TTLL5: variants seen among roughly 807,000 people sequenced by gnomAD.
TTLL5 encodes the protein tubulin tyrosine ligase like 5.
Under a neutral mutation model 168.4 loss-of-function variants are expected in TTLL5, and 132 were observed. That is an observed-to-expected ratio of 0.78 (90% CI 0.68 to 0.91). The LOEUF (loss-of-function observed/expected upper bound fraction) is 0.91, where lower values mean the gene tolerates loss of function less well. TTLL5 is among the 40% of genes least tolerant of loss of function. The pLI is 0.00. For synonymous variants in TTLL5, 546 were observed against 558.6 expected (o/e 0.98, Z 0.32); for missense variants, 1,545 against 1,581.5 (o/e 0.98, Z 0.39).
chr14:75,897,072 G>A, intron 30 of TTLL5, among the ~76,000 whole-genome samples: 1 of 152,116 alleles, frequency 6.6e-6, no homozygotes, highest in Non-Finnish European at 1.5e-5. Flanking sequence ...ATCTTACAAG[G>A]ATATTATTTG....
Position 75,925,135 on chromosome 14 carries a change from T to G in TTLL5, c.3823+22911T>G, listed in dbSNP as rs1432855814. Among the ~76,000 whole-genome samples the G allele has an allele frequency of 2.8e-3, 200 of 72,584 alleles. 4 individuals carry two copies. Among genetic ancestry groups the G allele is most frequent in the Admixed American group, 0.014 (103 of 7,566 alleles). The allele number at this position is 72,584 out of a possible 152,430, so 47.6% of individuals were successfully genotyped here. Reference sequence around the variant, plus strand: ...CGGACGGGGCGGCTGGCCGGGCGGGTGGCTGACCCCCCCACCTCCCTCCCG... The same window carrying G: ...CGGACGGGGCGGCTGGCCGGGCGGGGGGCTGACCCCCCCACCTCCCTCCCG... On this transcript the variant is annotated intron_variant, in intron 31 of 31. Transcript: ENST00000298832.
intron 29 of TTLL5, among the ~76,000 whole-genome samples, chr14:75,872,005 G>A (rs969682140): frequency 2.0e-5 from 3 of 152,064 alleles, no homozygotes. Flanking sequence ...AGGAGAACGG[G>A]GCCCTGATAT....
At chr14:75,797,358 T>C (rs1893050420) in intron 27 of TTLL5, among the ~76,000 whole-genome samples, 1 of 152,080 alleles carries the variant, frequency 6.6e-6, no homozygotes. Context: ...TATGATCATA[T>C]TGGCAAACAG....
chr14:75,715,224 T>C (rs1261200326), intron 9 of TTLL5, among the ~76,000 whole-genome samples: 1 of 151,702 alleles, frequency 6.6e-6, no homozygotes, highest in Non-Finnish European at 1.5e-5. Context: ...GAAAACCTCC[T>C]TGTGCTTCTG....
At chr14:75,719,932 G>A in intron 11 of TTLL5, 106 bp downstream of exon 11, 5 of 1,192,778 alleles carry the variant, frequency 4.2e-6, no homozygotes, top group South Asian at 1.3e-5. Flanking sequence ...TTGCTGAGAC[G>A]GGATGATTGT....
At position 75,856,234 on chromosome 14, in the gene TTLL5, A is replaced by T. The variant is rs190171013; in HGVS notation, c.3327-7433A>T. 2.8e-4 allele frequency among the ~76,000 whole-genome samples: 42 copies of T among 152,256 alleles called. No individual in the cohort carries two copies. In the East Asian group the frequency reaches 7.0e-3, roughly 25 times the overall value. Reference sequence around the variant, plus strand: ...AAAAATTAGCCGAGTGTGGTGGCACATACCTGTAATCCCAGCTACTTGGGA... The same window carrying T: ...AAAAATTAGCCGAGTGTGGTGGCACTTACCTGTAATCCCAGCTACTTGGGA... On this transcript the variant is annotated intron_variant, in intron 28 of 31. Coordinates refer to ENST00000298832, the MANE Select transcript of TTLL5 (RefSeq NM_015072.5).
chr14:75,720,424 T>C (rs547218074), intron 11 of TTLL5, among the ~76,000 whole-genome samples, 172 bp from the exon 12 acceptor site: 30 of 152,336 alleles, frequency 2.0e-4, no homozygotes, highest in African/African-American at 6.7e-4. Context: ...CTTGACTGTA[T>C]TGATCTGTTC....
intron 31 of TTLL5, among the ~76,000 whole-genome samples, chr14:75,906,363 T>A (rs1221317702): frequency 2.6e-5 from 4 of 152,114 alleles, no homozygotes; most frequent in African/African-American, 9.7e-5. Context: ...GGGGTAAGAA[T>A]TTGGGTTGAT....
intron 10 of TTLL5, among the ~76,000 whole-genome samples, chr14:75,718,980 A>G (rs1313958609): frequency 1.3e-5 from 2 of 152,228 alleles, no homozygotes; most frequent in Non-Finnish European, 2.9e-5. Flanking sequence ...TGAAGAGATC[A>G]TACCTCCACT....
chr14:75,805,234 T>C (rs1388884586), intron 27 of TTLL5, among the ~76,000 whole-genome samples: 1 of 152,228 alleles, frequency 6.6e-6, no homozygotes, highest in Non-Finnish European at 1.5e-5. Flanking sequence ...AAATTTCCCT[T>C]AGCTTTTCTA....
chr14:75,757,874 T>C (rs944310600), intron 18 of TTLL5: 1 of 1,589,214 alleles, frequency 6.3e-7, no homozygotes, highest in Admixed American at 1.7e-5. Context: ...AACACGGTAA[T>C]TGACTTTTAA....
chr14:75,685,858 A>G (rs571040277), intron 5 of TTLL5, among the ~76,000 whole-genome samples: 2 of 152,344 alleles, frequency 1.3e-5, no homozygotes, highest in African/African-American at 4.8e-5. Context: ...ATCAGCAGTT[A>G]GTGTGGGTCC....
chr14:75,942,726 T>C (rs1359694509), intron 31 of TTLL5, among the ~76,000 whole-genome samples: 1 of 152,192 alleles, frequency 6.6e-6, no homozygotes, highest in Non-Finnish European at 1.5e-5. Context: ...ACTTGCATTC[T>C]CTATGGCCTA....
chr14:75,804,179 T>G (rs1893513711), intron 27 of TTLL5, among the ~76,000 whole-genome samples: 2 of 151,862 alleles, frequency 1.3e-5, no homozygotes, highest in South Asian at 4.2e-4. Context: ...AGATGGAGAG[T>G]GGGAAAAAAA....
intron 10 of TTLL5, among the ~76,000 whole-genome samples, chr14:75,718,547 C>A (rs144652759): frequency 6.6e-6 from 1 of 152,034 alleles, no homozygotes; most frequent in Admixed American, 6.5e-5. Context: ...GAAGTAGTAC[C>A]GAAGTGTTAA....
intron 31 of TTLL5, among the ~76,000 whole-genome samples, chr14:75,934,248 T>TA (rs1313585298): frequency 6.6e-6 from 1 of 152,178 alleles, no homozygotes; most frequent in Non-Finnish European, 1.5e-5. Context: ...GGCAATTACA[T>TA]AAGGGTATGC....
In TTLL5 at chr14:75,766,149, A is replaced by G; in HGVS notation, c.1796A>G (p.Glu599Gly). 6.2e-7 allele frequency: 1 copy of G among 1,614,088 alleles called. No individual in the cohort carries two copies. The change falls in exon 20 of 32, where the codon GAA (glutamate) becomes GGA (glycine). Residue 599 changes from glutamate (E) to glycine (G), a missense_variant. Transcript: ENST00000298832. The stretch of plus-strand genomic sequence containing the variant: ...GTCGCATTAGATAATGAAGATGAAG[A>G]ACAGGAGGCTTCCCAGGAGGAGTCT... ...EEVALDNEDE[E>G]QEASQEESAG...
chr14:75,671,647 A>G (rs1011627000), intron 3 of TTLL5, among the ~76,000 whole-genome samples: 2 of 152,034 alleles, frequency 1.3e-5, no homozygotes, highest in Non-Finnish European at 2.9e-5. Flanking sequence ...TTTTGATGTT[A>G]TTGTAAATAG....
At chr14:75,850,903 TG>T (rs1896811054) in intron 28 of TTLL5, among the ~76,000 whole-genome samples, 1 of 151,998 alleles carries the variant, frequency 6.6e-6, no homozygotes, top group African/African-American at 2.4e-5. Context: ...AAGACCAGCC[TG>T]GGCAACGTAG....
Sources: gnomAD v4.1 joint callset for allele counts (sites outside exome capture counted in the v4.1 genomes callset) on GRCh38, gnomAD v4.1.1 for gene constraint, MANE v1.5 for transcripts, NCBI Gene and HGNC (gene_info 2026-07-23, HGNC 2026-07-21) for gene names.